ZFAT: variants seen among roughly 807,000 people sequenced by gnomAD.
The protein encoded by ZFAT is zinc finger protein ZFAT.
A neutral mutation model predicts 117.7 loss-of-function variants in ZFAT; 64 were observed. That is an observed-to-expected ratio of 0.54 (90% confidence interval 0.44 to 0.67). The LOEUF (loss-of-function observed/expected upper bound fraction) is 0.67. Ranked by LOEUF, ZFAT falls within the 30% of genes least tolerant of loss-of-function variation. The pLI, the probability that ZFAT is intolerant of heterozygous loss-of-function variation, is 0.00. For synonymous variants in ZFAT, 679 were observed against 615.0 expected (o/e 1.10, Z -1.54); for missense variants, 1,433 against 1,584.5 (o/e 0.90, Z 1.62).
intron 15 of ZFAT, among the ~76,000 whole-genome samples, chr8:134,483,928 G>T (rs183403936): frequency 1.3e-5 from 2 of 152,320 alleles, no homozygotes; most frequent in Admixed American, 1.3e-4. Flanking sequence ...GCCAGGCAGT[G>T]GCTACGGCTC....
At chr8:134,648,776 A>C (rs1395271655) in intron 2 of ZFAT, among the ~76,000 whole-genome samples, 1 of 152,152 alleles carries the variant, frequency 6.6e-6, no homozygotes, top group East Asian at 1.9e-4. Flanking sequence ...AACACTTCTC[A>C]AGTCATGCTA....
chr8:134,551,245 T>C (rs964564602), intron 11 of ZFAT, among the ~76,000 whole-genome samples: 2 of 152,218 alleles, frequency 1.3e-5, no homozygotes, highest in Non-Finnish European at 2.9e-5. Flanking sequence ...CTCTAGCTCA[T>C]AGAAATTGTG....
chr8:134,725,031 T>C, the ZFAT span, among the ~76,000 whole-genome samples: 6 of 152,020 alleles, frequency 3.9e-5, no homozygotes, highest in South Asian at 1.2e-3. Flanking sequence ...CAGCCCCCCA[T>C]CTGCTCCTAC....
chr8:134,750,752 C>T, the ZFAT span, among the ~76,000 whole-genome samples: 58 of 152,136 alleles, frequency 3.8e-4, no homozygotes, highest in Non-Finnish European at 3.7e-4. Context: ...GATGACAGAG[C>T]GAGACCCTGT....
chr8:134,591,267 A>T (rs1039791233), intron 7 of ZFAT, among the ~76,000 whole-genome samples: 2 of 152,250 alleles, frequency 1.3e-5, no homozygotes, highest in African/African-American at 4.8e-5. Flanking sequence ...TGAGAAGAGG[A>T]GCCAGTGTTG....
In ZFAT at chr8:134,602,808, C is replaced by T; in HGVS notation, c.911G>A (p.Cys304Tyr). 1 of 1,614,214 alleles carries T rather than the reference C, an allele frequency of 6.2e-7. No individual in the cohort carries two copies. Among genetic ancestry groups the T allele is most frequent in the Non-Finnish European group, 8.5e-7 (1 of 1,180,048 alleles). Residue 304 changes from cysteine to tyrosine, a missense_variant, in exon 6 of 16, where the codon TGC (cysteine) becomes TAC (tyrosine). This residue lies in a region of ZFAT where 436 missense variants were observed against 482.0 expected (regional missense o/e 0.90). Coordinates refer to ENST00000377838, the MANE Select transcript of ZFAT (RefSeq NM_020863.4). ...GGCCTTGATGGCACTGGCATAGCTG[C>T]ACTGGGGGCACTTGTATGGCTTTTC... ...TNEKPYKCPQ[C>Y]SYASAIKANL... is the part of the protein sequence containing the mutation.
intron 11 of ZFAT, among the ~76,000 whole-genome samples, chr8:134,534,775 A>AGAG (rs1821706312): frequency 1.8e-4 from 24 of 136,442 alleles, no homozygotes; most frequent in African/African-American, 5.9e-4. Context: ...GAGAGGGAGA[A>AGAG]AGAGAGAGAG....
chr8:134,619,338 C>T (rs1332307348), intron 3 of ZFAT, among the ~76,000 whole-genome samples: 2 of 152,040 alleles, frequency 1.3e-5, no homozygotes, highest in Non-Finnish European at 2.9e-5. Context: ...CTACTAAATG[C>T]ATGTCACTTT....
At chr8:134,595,580 G>A (rs2119880) in intron 7 of ZFAT, among the ~76,000 whole-genome samples, 35,639 of 152,048 alleles carry the variant, frequency 0.23, 4,617 homozygotes, top group East Asian at 0.53. Context: ...TACTAAAATC[G>A]TCTCAAGTGC....
chr8:134,590,059 A>G (rs1431151430), intron 8 of ZFAT, among the ~76,000 whole-genome samples: 3 of 152,254 alleles, frequency 2.0e-5, no homozygotes, highest in Non-Finnish European at 4.4e-5. Context: ...GTGAGGGTTG[A>G]TGCATCTGAA....
chr8:134,544,026 T>C (rs1330385199), intron 11 of ZFAT, among the ~76,000 whole-genome samples: 3 of 152,244 alleles, frequency 2.0e-5, no homozygotes, highest in Non-Finnish European at 2.9e-5. Flanking sequence ...AGTGGGAATG[T>C]TGATGAGCTA....
chr8:134,497,192 T>G (rs571910559), intron 15 of ZFAT, among the ~76,000 whole-genome samples: 2 of 152,324 alleles, frequency 1.3e-5, no homozygotes, highest in African/African-American at 2.4e-5. Flanking sequence ...TATTCTAAGT[T>G]TACTGGAGAC....
the ZFAT span, among the ~76,000 whole-genome samples, chr8:134,781,311 G>T: frequency 6.6e-6 from 1 of 151,856 alleles, no homozygotes; most frequent in African/African-American, 2.4e-5. Flanking sequence ...TTTTTGTAGA[G>T]ACCAGGTCTC....
chr8:134,527,045 G>A (rs1821074283), intron 12 of ZFAT, among the ~76,000 whole-genome samples: 2 of 151,018 alleles, frequency 1.3e-5, no homozygotes, highest in South Asian at 2.1e-4. Flanking sequence ...TGGTTTCTCC[G>A]AGTGGGCCTA....
At chr8:134,575,327 C>T (rs1410314786) in intron 10 of ZFAT, among the ~76,000 whole-genome samples, 1 of 152,150 alleles carries the variant, frequency 6.6e-6, no homozygotes. Context: ...CACAAGGGTC[C>T]TTATAAAAGG....
At chr8:134,628,518 G>A (rs1055066847) in intron 3 of ZFAT, among the ~76,000 whole-genome samples, 5 of 152,200 alleles carry the variant, frequency 3.3e-5, no homozygotes, top group Admixed American at 6.5e-5. Context: ...GATGCTTAAC[G>A]CTAGGGAGAC....
the ZFAT span, among the ~76,000 whole-genome samples, chr8:134,808,420 G>C: frequency 1.3e-5 from 2 of 152,170 alleles, no homozygotes; most frequent in Non-Finnish European, 2.9e-5. Context: ...CACAAAATGA[G>C]GCTTAGGCAA....
intron 10 of ZFAT, among the ~76,000 whole-genome samples, chr8:134,571,810 A>G (rs924608515): frequency 6.6e-6 from 1 of 152,256 alleles, no homozygotes; most frequent in Admixed American, 6.5e-5. Context: ...CCATTAAACT[A>G]AGAAACTAGA....
intron 2 of ZFAT, among the ~76,000 whole-genome samples, chr8:134,657,244 T>C (rs763827891): frequency 1.7e-4 from 26 of 152,170 alleles, no homozygotes; most frequent in South Asian, 2.1e-4. Flanking sequence ...AGTAACATCA[T>C]TGGCTTCAGG....
Sources: allele counts gnomAD v4.1 joint callset (sites outside exome capture counted in the v4.1 genomes callset), GRCh38; gene constraint gnomAD v4.1.1; regional missense constraint gnomAD v4.1.1; transcripts MANE v1.5; gene names NCBI Gene and HGNC (gene_info 2026-07-23, HGNC 2026-07-21).